Variants in SVOP observed in about 807,000 individuals in gnomAD.
SVOP encodes the protein synaptic vesicle 2-related protein.
In SVOP, 17 loss-of-function variants were observed where a neutral mutation model predicts 69.1. The ratio of observed to expected loss-of-function variants is 0.25; its 90% CI spans 0.17 to 0.37. SVOP has a LOEUF of 0.37. SVOP is among the 10% of genes least tolerant of loss of function. SVOP has a pLI of 1.00. For synonymous variants in SVOP, 238 were observed against 238.6 expected, an observed-to-expected ratio of 1.00 and a Z score of 0.02; for missense variants, 435 against 597.5, an observed-to-expected ratio of 0.73 and a Z score of 2.84.
chr12:108,988,072 C>T lies in SVOP; in HGVS notation c.36-4311G>A, dbSNP rs572549599. On this transcript the variant is annotated intron_variant, in intron 1 of 15. Coordinates refer to ENST00000610966, the MANE Select transcript of SVOP (RefSeq NM_018711.5). ...GAGTAACTGGGACTACAGGTGCACA[C>T]GGCCATGCCTGACTAATTTTTTTTT... 1.2e-4 allele frequency among the ~76,000 whole-genome samples: 17 copies of T among 140,508 alleles called. No homozygotes were observed. The South Asian group carries it at 2.3e-3, about 19-fold the overall frequency. The allele number at this position is 140,508 out of a possible 152,430, so 92.2% of individuals were successfully genotyped here.
intron 5 of SVOP, among the ~76,000 whole-genome samples, chr12:108,971,988 A>G (rs993444628): frequency 2.8e-4 from 42 of 152,082 alleles, no homozygotes; most frequent in African/African-American, 1.0e-3. Context: ...TGGGAGGTTG[A>G]GGCTACTGTG....
rs573730936 is a variant in SVOP, at chr12:108,921,637, G to A, written c.1156+1053C>T. On this transcript the variant is annotated intron_variant, in intron 12 of 15. Coordinates refer to ENST00000610966, the MANE Select transcript of SVOP (RefSeq NM_018711.5). ...TTTGTCCACCAAATCCCACAGTATT[G>A]TTTAAAGGCTGCTCCCAGGTGCTAA... Among the ~76,000 whole-genome samples the A allele has an allele frequency of 7.2e-5, 11 of 152,256 alleles. No individual in the cohort carries two copies. In the South Asian group the frequency reaches 2.3e-3, roughly 32 times the overall value.
chr12:108,985,727 G>A (rs1398818439), intron 1 of SVOP, among the ~76,000 whole-genome samples: 1 of 152,104 alleles, frequency 6.6e-6, no homozygotes, highest in African/African-American at 2.4e-5. Context: ...AATAGCAGAG[G>A]TAGTATATGA....
chr12:108,965,018 A>G (rs2040037200), intron 5 of SVOP, among the ~76,000 whole-genome samples: 1 of 152,266 alleles, frequency 6.6e-6, no homozygotes. Flanking sequence ...CTGTGTAGCC[A>G]GCATTAAAGA....
chr12:108,921,319 G>A (rs1240270134), intron 12 of SVOP, among the ~76,000 whole-genome samples: 1 of 152,168 alleles, frequency 6.6e-6, no homozygotes, highest in African/African-American at 2.4e-5. Context: ...GGCAGCACAG[G>A]TCTTAGCGCT....
rs1431768142 is a variant in SVOP, at chr12:108,911,247, A to G, written c.*1288T>C. 1 of 152,286 alleles carries G rather than the reference A, an allele frequency of 6.6e-6. No individual in the cohort carries two copies. The highest frequency in any genetic ancestry group is 6.5e-5 in the Admixed American group (1 of 15,284). 9.4% of individuals were successfully genotyped at this position (152,286 alleles called of 1,614,324 possible). A position where few individuals can be genotyped will look rare whatever the true frequency, so the allele number is the denominator to read the frequency against. On this transcript the variant is annotated 3_prime_UTR_variant, in exon 16 of 16. Coordinates refer to ENST00000610966, the MANE Select transcript of SVOP (RefSeq NM_018711.5). Reference sequence around the variant, plus strand: ...TCAAGACGTCCCTGGACAGAGGAGCAGCTTCGCATCAGGGAATCCTGGTCC... The same window carrying G: ...TCAAGACGTCCCTGGACAGAGGAGCGGCTTCGCATCAGGGAATCCTGGTCC...
intron 6 of SVOP, among the ~76,000 whole-genome samples, chr12:108,954,686 T>G (rs2039975787): frequency 6.6e-6 from 1 of 152,236 alleles, no homozygotes; most frequent in Non-Finnish European, 1.5e-5. Flanking sequence ...CTCAAAATTC[T>G]GATCCACTGA....
At chr12:108,999,879 AC>A (rs888470439) in intron 1 of SVOP, among the ~76,000 whole-genome samples, 37 of 152,038 alleles carry the variant, frequency 2.4e-4, no homozygotes, top group African/African-American at 8.7e-4. Flanking sequence ...CAACATTGAC[AC>A]CCTAACATCA....
chr12:108,947,856 G>C (rs1410582873), intron 6 of SVOP, among the ~76,000 whole-genome samples: 2 of 151,956 alleles, frequency 1.3e-5, no homozygotes, highest in Non-Finnish European at 2.9e-5. Flanking sequence ...GGGGTTGGGG[G>C]ATAAAGGGAA....
At chr12:108,982,403 A>G (rs1269691589) in intron 2 of SVOP, among the ~76,000 whole-genome samples, 1 of 150,326 alleles carries the variant, frequency 6.7e-6, no homozygotes, top group Non-Finnish European at 1.5e-5. Context: ...CATCACTATC[A>G]TCATCATCAC....
intron 6 of SVOP, among the ~76,000 whole-genome samples, chr12:108,948,894 T>A (rs375748707): frequency 6.6e-6 from 1 of 152,246 alleles, no homozygotes; most frequent in Non-Finnish European, 1.5e-5. Context: ...TATTTTATTC[T>A]GTTTTCCGAA....
At chr12:109,016,738 T>A (rs2040369624) in intron 1 of SVOP, among the ~76,000 whole-genome samples, 1 of 137,480 alleles carries the variant, frequency 7.3e-6, no homozygotes, top group Admixed American at 7.0e-5. Flanking sequence ...GTACCCTGCA[T>A]TAGTTCTTTT....
chr12:108,981,164 A>G (rs2137436419), intron 2 of SVOP, among the ~76,000 whole-genome samples: 1 of 152,354 alleles, frequency 6.6e-6, no homozygotes, highest in African/African-American at 2.4e-5. Flanking sequence ...TGGGGCATTT[A>G]CTGGGTGCTC....
chr12:108,949,363 C>T (rs1192543160), intron 6 of SVOP, among the ~76,000 whole-genome samples: 3 of 152,024 alleles, frequency 2.0e-5, no homozygotes, highest in Non-Finnish European at 4.4e-5. Context: ...CTCTGCCTCC[C>T]AGGTTCAAGT....
chr12:109,001,813 A>G (rs545765610), intron 1 of SVOP, among the ~76,000 whole-genome samples: 128 of 152,188 alleles, frequency 8.4e-4, no homozygotes, highest in Non-Finnish European at 1.5e-3. Flanking sequence ...TCAATTCAAG[A>G]TGGATTAAAG....
Position 108,945,283 on chromosome 12 carries a change from A to C in SVOP, c.579-117T>G, listed in dbSNP as rs1850181647. 5 of 920,444 alleles carry C rather than the reference A, an allele frequency of 5.4e-6. No individual in the cohort carries two copies. The South Asian group carries it at 5.9e-5, about 11-fold the overall frequency. The allele number at this position is 920,444 out of a possible 1,614,324, so 57.0% of individuals were successfully genotyped here. A position where few individuals can be genotyped will look rare whatever the true frequency, so the allele number is the denominator to read the frequency against. Reference sequence around the variant, plus strand: ...CAAGGGTGGTCAGTGAACCACTTACATCAGAATTTCCTGAGATGATGTTGG... The same window carrying C: ...CAAGGGTGGTCAGTGAACCACTTACCTCAGAATTTCCTGAGATGATGTTGG... On this transcript the variant is annotated intron_variant, in intron 6 of 15. Transcript: ENST00000610966.
intron 1 of SVOP, among the ~76,000 whole-genome samples, chr12:108,995,442 T>TAGAAC (rs1471046617): frequency 2.6e-5 from 4 of 152,114 alleles, no homozygotes; most frequent in African/African-American, 9.7e-5. Context: ...TGAGGGGACC[T>TAGAAC]AGAACACTTA....
chr12:108,918,423 G>A (rs987536501), intron 13 of SVOP, among the ~76,000 whole-genome samples: 3 of 152,220 alleles, frequency 2.0e-5, no homozygotes, highest in Non-Finnish European at 2.9e-5. Flanking sequence ...CAGGAATTTG[G>A]CTGAGGGTGG....
At position 108,997,622 on chromosome 12, in the gene SVOP, G is replaced by C. The variant is rs1436520671; in HGVS notation, c.36-13861C>G. Among the ~76,000 whole-genome samples the C allele has an allele frequency of 6.6e-5, 10 of 151,666 alleles. No homozygotes were observed. The East Asian group carries it at 1.7e-3, about 26-fold the overall frequency. Reference sequence around the variant, plus strand: ...CACGCAGCTGGAGATCTGAGAACGGGCAGACTGCCTCCTCAAGTGGGTCCC... The same window carrying C: ...CACGCAGCTGGAGATCTGAGAACGGCCAGACTGCCTCCTCAAGTGGGTCCC... On this transcript the variant is annotated intron_variant, in intron 1 of 15. Transcript: ENST00000610966.
Sources: allele counts gnomAD v4.1 joint callset (sites outside exome capture counted in the v4.1 genomes callset), GRCh38; gene constraint gnomAD v4.1.1; transcripts MANE v1.5; gene names NCBI Gene and HGNC (gene_info 2026-07-23, HGNC 2026-07-21).